Variants in TENM1 observed in about 807,000 individuals in gnomAD.
The protein encoded by TENM1 is teneurin transmembrane protein 1, also known as teneurin-1.
In TENM1, 35 loss-of-function variants were observed where a neutral mutation model predicts 174.8. The observed-to-expected ratio is 0.20, with a 90% CI of 0.15 to 0.27. The LOEUF is 0.27. Ranked by LOEUF, TENM1 falls within the 10% of genes least tolerant of loss-of-function variation. The probability of loss-of-function intolerance (pLI) is 1.00; values close to 1 mark genes in which losing one functional copy is unlikely to be tolerated. For missense variants in TENM1, 1,633 were observed against 2,130.1 expected (o/e 0.77, Z 4.59); for synonymous variants, 781 against 798.7 (o/e 0.98, Z 0.37).
chrX:125,155,472 T>A, the TENM1 span, among the ~76,000 whole-genome samples: 1 of 109,994 alleles, frequency 9.1e-6, no homozygotes, highest in African/African-American at 3.3e-5. Context: ...GCGCCCACAC[T>A]CCTCAGCCCT....
At chrX:124,467,204 G>T (rs762822335) in intron 22 of TENM1, among the ~76,000 whole-genome samples, 2 of 111,836 alleles carry the variant, frequency 1.8e-5, no homozygotes, top group Non-Finnish European at 3.8e-5. Flanking sequence ...AAATGGAATA[G>T]CTAGTAAATG....
the TENM1 span, among the ~76,000 whole-genome samples, chrX:125,055,913 C>T: frequency 9.0e-6 from 1 of 111,641 alleles, no homozygotes; most frequent in African/African-American, 3.3e-5. Context: ...ATTAACAGTC[C>T]AAAACATTAG....
At chrX:124,549,270 T>C (rs1304600128) in intron 14 of TENM1, among the ~76,000 whole-genome samples, 2 of 112,325 alleles carry the variant, frequency 1.8e-5, no homozygotes, top group Non-Finnish European at 3.8e-5. Flanking sequence ...CTCTGATGTC[T>C]GGAATTGGTG....
At chrX:124,989,526 T>G in the TENM1 span, among the ~76,000 whole-genome samples, 2 of 111,052 alleles carry the variant, frequency 1.8e-5, no homozygotes, top group African/African-American at 3.3e-5. Context: ...GATTCTAAAA[T>G]TTAGGTACAA....
At chrX:124,510,233 T>C (rs2047551150) in intron 18 of TENM1, among the ~76,000 whole-genome samples, 1 of 112,767 alleles carries the variant, frequency 8.9e-6, no homozygotes, top group African/African-American at 3.2e-5. Context: ...GGTCACATGG[T>C]TAGTAAATGG....
intron 17 of TENM1, among the ~76,000 whole-genome samples, chrX:124,521,106 A>T (rs1457125328): frequency 8.9e-6 from 1 of 111,767 alleles, no homozygotes; most frequent in Non-Finnish European, 1.9e-5. Context: ...GTTGAAAAAG[A>T]TCATACCGCT....
rs189031909 is a variant in TENM1, at chrX:124,679,394, A to T, written c.1016-7559T>A. On this transcript the variant is annotated intron_variant, in intron 5 of 31. Transcript: ENST00000422452. ...TCCCTTCCTGAAATATATACGAAGT[A>T]CATTACCCAGATGGTGACCCCTGAT... is the stretch of plus-strand genomic sequence containing the variant. 5.6e-3 allele frequency among the ~76,000 whole-genome samples: 626 copies of T among 111,756 alleles called. 3 individuals are homozygous for T. The highest frequency in any genetic ancestry group is 8.2e-3 in the Non-Finnish European group (436 of 53,030).
At chrX:125,007,724 C>A in the TENM1 span, among the ~76,000 whole-genome samples, 2 of 111,583 alleles carry the variant, frequency 1.8e-5, no homozygotes, top group Non-Finnish European at 3.8e-5. Flanking sequence ...AGAGTGGGGG[C>A]CAATATTCAA....
At chrX:124,753,662 C>A (rs2054144330) in intron 3 of TENM1, among the ~76,000 whole-genome samples, 1 of 110,966 alleles carries the variant, frequency 9.0e-6, no homozygotes, top group African/African-American at 3.3e-5. Flanking sequence ...AGATACGTCC[C>A]ATTAATACCT....
At chrX:125,081,134 G>A in the TENM1 span, among the ~76,000 whole-genome samples, 39,581 of 109,686 alleles carry the variant, frequency 0.36, 7,513 homozygotes, top group African/African-American at 0.73. Context: ...CCCAAATCTT[G>A]GAACAACACC....
the TENM1 span, among the ~76,000 whole-genome samples, chrX:124,989,981 T>C: frequency 8.9e-6 from 1 of 111,881 alleles, no homozygotes; most frequent in Non-Finnish European, 1.9e-5. Flanking sequence ...TCTAGTTTCA[T>C]GGAACTAAAA....
intron 28 of TENM1, among the ~76,000 whole-genome samples, chrX:124,390,510 A>G (rs1291321994): frequency 2.7e-5 from 3 of 111,925 alleles, no homozygotes; most frequent in African/African-American, 6.5e-5. Context: ...CAATTAGCTC[A>G]GTTGGTCGGA....
At chrX:124,440,580 A>G (rs188295261) in intron 23 of TENM1, among the ~76,000 whole-genome samples, 22 of 112,091 alleles carry the variant, frequency 2.0e-4, no homozygotes, top group Admixed American at 1.8e-3. Context: ...GAAAAAAATG[A>G]TTTAACATTT....
intron 6 of TENM1, among the ~76,000 whole-genome samples, chrX:124,659,525 CTTA>C (rs765705529): frequency 9.0e-6 from 1 of 111,637 alleles, no homozygotes; most frequent in East Asian, 2.8e-4. Flanking sequence ...GATCAAAAGA[CTTA>C]TTATTGTTAA....
At chrX:124,960,115 T>G (rs1406803051) in intron 1 of TENM1, among the ~76,000 whole-genome samples, 2 of 111,941 alleles carry the variant, frequency 1.8e-5, no homozygotes, top group Non-Finnish European at 3.8e-5. Context: ...AAAGGGAATT[T>G]TAAAAAACTC....
the TENM1 span, among the ~76,000 whole-genome samples, chrX:125,028,280 C>T: frequency 2.9e-4 from 32 of 111,899 alleles, no homozygotes; most frequent in Non-Finnish European, 5.5e-4. Context: ...AATAGAGCCT[C>T]CCATTAGCAT....
chrX:124,986,581 C>A, the TENM1 span, among the ~76,000 whole-genome samples: 1 of 112,154 alleles, frequency 8.9e-6, no homozygotes, highest in Non-Finnish European at 1.9e-5. Flanking sequence ...TTCTATGGAA[C>A]AAGGGCTTTC....
At chrX:124,595,813 C>T (rs2049877858) in intron 11 of TENM1, among the ~76,000 whole-genome samples, 1 of 111,271 alleles carries the variant, frequency 9.0e-6, no homozygotes, top group Non-Finnish European at 1.9e-5. Flanking sequence ...AAATGATGAC[C>T]CTTTTAGAAT....
intron 5 of TENM1, among the ~76,000 whole-genome samples, chrX:124,688,246 T>A: frequency 9.5e-6 from 1 of 105,501 alleles, no homozygotes; most frequent in Non-Finnish European, 1.9e-5. Context: ...TTCCCTTCCT[T>A]TCCCTTCCTT....
Sources: gnomAD v4.1 joint callset for allele counts (sites outside exome capture counted in the v4.1 genomes callset) on GRCh38, gnomAD v4.1.1 for gene constraint, MANE v1.5 for transcripts, NCBI Gene and HGNC (gene_info 2026-07-23, HGNC 2026-07-21) for gene names.